Variants in TNFSF4 observed in about 807,000 individuals in gnomAD.
TNFSF4 encodes the protein tumor necrosis factor ligand superfamily member 4.
TNFSF4 carries 4 observed loss-of-function variants against 7.3 expected under a neutral mutation model. That is an observed-to-expected ratio of 0.55 (90% CI 0.27 to 1.25). The LOEUF is 1.25. Ranked by LOEUF, TNFSF4 falls within the 50% of genes most tolerant of loss-of-function variation. The pLI is 0.12. For missense variants in TNFSF4, 181 were observed against 208.8 expected (o/e 0.87, Z 0.82); for synonymous variants, 76 against 83.7 (o/e 0.91, Z 0.50).
chr1:173,326,781 G>C, the TNFSF4 span, among the ~76,000 whole-genome samples: 2 of 151,776 alleles, frequency 1.3e-5, no homozygotes, highest in Non-Finnish European at 2.9e-5. Context: ...CTTCAAAGAG[G>C]ATAAAATACC....
At chr1:173,449,101 A>T in the TNFSF4 span, among the ~76,000 whole-genome samples, 1 of 152,034 alleles carries the variant, frequency 6.6e-6, no homozygotes, top group African/African-American at 2.4e-5. Flanking sequence ...TCCTCACAAT[A>T]GTGAGTGAGT....
chr1:173,419,553 C>T, the TNFSF4 span, among the ~76,000 whole-genome samples: 1 of 152,026 alleles, frequency 6.6e-6, no homozygotes, highest in Admixed American at 6.5e-5. Context: ...AATTCTGTTA[C>T]AGCAATGGAC....
chr1:173,232,349 C>G, the TNFSF4 span, among the ~76,000 whole-genome samples: 1 of 152,130 alleles, frequency 6.6e-6, no homozygotes, highest in East Asian at 1.9e-4. Flanking sequence ...AGTTGGTTAT[C>G]AGCTTAAGTA....
the TNFSF4 span, among the ~76,000 whole-genome samples, chr1:173,440,252 T>C: frequency 6.6e-6 from 1 of 152,210 alleles, no homozygotes; most frequent in African/African-American, 2.4e-5. Flanking sequence ...TATGTGGGGA[T>C]CTTCCATGAC....
At chr1:173,263,065 G>A in the TNFSF4 span, among the ~76,000 whole-genome samples, 4 of 152,074 alleles carry the variant, frequency 2.6e-5, no homozygotes, top group Non-Finnish European at 5.9e-5. Flanking sequence ...AAAATACATA[G>A]GAATACAGCT....
chr1:173,316,236 G>C, the TNFSF4 span, among the ~76,000 whole-genome samples: 1 of 150,804 alleles, frequency 6.6e-6, no homozygotes, highest in Non-Finnish European at 1.5e-5. Flanking sequence ...CTTGAGATAA[G>C]TATATTAATT....
chr1:173,316,638 C>T, the TNFSF4 span, among the ~76,000 whole-genome samples: 1 of 151,830 alleles, frequency 6.6e-6, no homozygotes, highest in Non-Finnish European at 1.5e-5. Flanking sequence ...GCCATTTTCC[C>T]CCAATCCATT....
At chr1:173,327,239 C>T in the TNFSF4 span, among the ~76,000 whole-genome samples, 1 of 152,176 alleles carries the variant, frequency 6.6e-6, no homozygotes. Flanking sequence ...TGATATTTGA[C>T]AAACCTGACA....
chr1:173,407,551 C>T, the TNFSF4 span, among the ~76,000 whole-genome samples: 3 of 100,154 alleles, frequency 3.0e-5, no homozygotes, highest in African/African-American at 4.1e-5. Flanking sequence ...CAGAGCAAGA[C>T]TCTGCCTCAA....
At chr1:173,401,744 AAC>A in the TNFSF4 span, among the ~76,000 whole-genome samples, 18 of 150,888 alleles carry the variant, frequency 1.2e-4, no homozygotes, top group Admixed American at 4.0e-4. Flanking sequence ...ACACATACAC[AAC>A]ACACACACAC....
the TNFSF4 span, among the ~76,000 whole-genome samples, chr1:173,234,670 C>A: frequency 6.6e-6 from 1 of 152,300 alleles, no homozygotes; most frequent in African/African-American, 2.4e-5. Flanking sequence ...TGGAAACCAT[C>A]ATTCTCAGGA....
At chr1:173,380,415 C>A in the TNFSF4 span, among the ~76,000 whole-genome samples, 6 of 152,022 alleles carry the variant, frequency 3.9e-5, no homozygotes, top group African/African-American at 1.4e-4. Context: ...GGCTAAAAGA[C>A]CCCATCAGTG....
the TNFSF4 span, chr1:173,362,614 G>T: frequency 2.0e-6 from 1 of 492,786 alleles, no homozygotes; most frequent in Non-Finnish European, 4.0e-6. Context: ...GGTAAGTTTT[G>T]CATGCTGCTG....
chr1:173,223,170 G>GGAAAGAGT, the TNFSF4 span, among the ~76,000 whole-genome samples: 1 of 152,140 alleles, frequency 6.6e-6, no homozygotes, highest in African/African-American at 2.4e-5. Flanking sequence ...AATAAATGTG[G>GGAAAGAGT]GAAAGAGTGT....
At chr1:173,449,517 CTAATTTTT>C in the TNFSF4 span, among the ~76,000 whole-genome samples, 1 of 151,984 alleles carries the variant, frequency 6.6e-6, no homozygotes, top group South Asian at 2.1e-4. Context: ...CCACACCCAG[CTAATTTTT>C]TAATTTTTTG....
the TNFSF4 span, among the ~76,000 whole-genome samples, chr1:173,327,757 C>T: frequency 5.9e-5 from 9 of 152,056 alleles, no homozygotes; most frequent in South Asian, 6.2e-4. Flanking sequence ...GAAAAAATGC[C>T]CATCATCACT....
Position 173,203,373 on chromosome 1 carries a change from A to G in TNFSF4, c.153+3651T>C, listed in dbSNP as rs181171618. On this transcript the variant is annotated intron_variant, in intron 1 of 2. Coordinates refer to ENST00000281834, the MANE Select transcript of TNFSF4 (RefSeq NM_003326.5). ...CAAGCCAAGTCAACTTCAGATGTTAATTTTTTAATTCTCAAAGATTTGCTT... is the reference window on the plus strand; with the variant it reads ...CAAGCCAAGTCAACTTCAGATGTTAGTTTTTTAATTCTCAAAGATTTGCTT... Among the ~76,000 whole-genome samples, 16 of 152,312 alleles carry G rather than the reference A, an allele frequency of 1.1e-4. No individual in the cohort carries two copies. The East Asian group carries it at 3.1e-3, about 29-fold the overall frequency.
the TNFSF4 span, among the ~76,000 whole-genome samples, chr1:173,258,678 G>A: frequency 6.6e-6 from 1 of 152,220 alleles, no homozygotes. Context: ...AGGGAGTCTG[G>A]ATGGTTTGGA....
chr1:173,210,030 T>C (rs1029290478), upstream of TNFSF4, among the ~76,000 whole-genome samples: 1 of 151,938 alleles, frequency 6.6e-6, no homozygotes, highest in Non-Finnish European at 1.5e-5. Flanking sequence ...AAAAAACATT[T>C]GGGTTTTTTT....
Sources: allele counts gnomAD v4.1 joint callset (sites outside exome capture counted in the v4.1 genomes callset), GRCh38; gene constraint gnomAD v4.1.1; transcripts MANE v1.5; gene names NCBI Gene and HGNC (gene_info 2026-07-23, HGNC 2026-07-21).